The following SUGCT variants were observed in gnomAD, a reference collection of about 807,000 sequenced individuals.
SUGCT encodes the protein succinyl-CoA:glutarate CoA-transferase.
Under a neutral mutation model 55.0 loss-of-function variants are expected in SUGCT, and 41 were observed. The ratio of observed to expected loss-of-function variants is 0.74; its 90% confidence interval spans 0.58 to 0.97. SUGCT has a LOEUF of 0.97. Ranked by LOEUF, SUGCT falls within the 50% of genes least tolerant of loss-of-function variation. SUGCT has a pLI of 0.00. For synonymous variants in SUGCT, 187 were observed against 200.4 expected, an observed-to-expected ratio of 0.93 and a Z score of 0.56; for missense variants, 568 against 547.8, an observed-to-expected ratio of 1.04 and a Z score of -0.37.
the SUGCT span, among the ~76,000 whole-genome samples, chr7:40,892,293 A>G: frequency 6.6e-6 from 1 of 152,184 alleles, no homozygotes; most frequent in Admixed American, 6.5e-5. Context: ...ATTGGCTTTT[A>G]TAGCTATAAG....
chr7:40,851,539 A>G (rs1337171474), intron 13 of SUGCT, among the ~76,000 whole-genome samples: 2 of 152,198 alleles, frequency 1.3e-5, no homozygotes, highest in Admixed American at 6.5e-5. Context: ...TGATCAGTTC[A>G]GCCTCCCAGG....
intron 13 of SUGCT, among the ~76,000 whole-genome samples, chr7:40,780,542 C>G (rs1399349840): frequency 6.6e-6 from 1 of 152,186 alleles, no homozygotes; most frequent in Non-Finnish European, 1.5e-5. Flanking sequence ...GCTAGGGCCA[C>G]ATAACCCAGT....
intron 12 of SUGCT, among the ~76,000 whole-genome samples, chr7:40,737,060 G>A (rs959492165): frequency 3.3e-5 from 5 of 152,108 alleles, no homozygotes; most frequent in African/African-American, 1.2e-4. Context: ...GGTAACTGTG[G>A]TTCTCAAACT....
chr7:40,821,385 G>C (rs144928306), intron 13 of SUGCT, among the ~76,000 whole-genome samples: 1 of 152,036 alleles, frequency 6.6e-6, no homozygotes, highest in Non-Finnish European at 1.5e-5. Flanking sequence ...CTGTGAATCC[G>C]TCTGGTCCTG....
At chr7:40,562,589 G>A (rs1340477082) in intron 12 of SUGCT, among the ~76,000 whole-genome samples, 1 of 152,124 alleles carries the variant, frequency 6.6e-6, no homozygotes, top group Non-Finnish European at 1.5e-5. Context: ...TGATCAGTGT[G>A]GGAAAGGTGG....
intron 13 of SUGCT, among the ~76,000 whole-genome samples, chr7:40,807,923 T>C (rs1213761196): frequency 6.6e-6 from 1 of 152,154 alleles, no homozygotes; most frequent in Non-Finnish European, 1.5e-5. Context: ...AGTCTAGCCT[T>C]TTTATGTTCT....
intron 8 of SUGCT, among the ~76,000 whole-genome samples, chr7:40,299,971 T>G (rs1200748404): frequency 6.6e-6 from 1 of 152,200 alleles, no homozygotes; most frequent in African/African-American, 2.4e-5. Flanking sequence ...TGTCTAAAAC[T>G]GACTAAACCT....
chr7:40,877,351 T>G, the SUGCT span, among the ~76,000 whole-genome samples: 1 of 152,214 alleles, frequency 6.6e-6, no homozygotes, highest in Non-Finnish European at 1.5e-5. Context: ...TCCCCCAAAA[T>G]CATTAGTCAT....
intron 12 of SUGCT, among the ~76,000 whole-genome samples, chr7:40,551,746 A>G (rs998010261): frequency 6.6e-6 from 1 of 152,234 alleles, no homozygotes; most frequent in Non-Finnish European, 1.5e-5. Flanking sequence ...AAGTGTCACA[A>G]TACAGCCATG....
At chr7:40,698,268 C>G (rs377637635) in intron 12 of SUGCT, among the ~76,000 whole-genome samples, 1 of 152,190 alleles carries the variant, frequency 6.6e-6, no homozygotes, top group Admixed American at 6.5e-5. Flanking sequence ...AATCCAGGCT[C>G]TTAGAGGGGT....
Position 40,545,428 on chromosome 7 carries a change from T to C in SUGCT, c.1089+49042T>C, listed in dbSNP as rs562532781. Among the ~76,000 whole-genome samples, 43 of 152,342 alleles carry C rather than the reference T, an allele frequency of 2.8e-4. No individual in the cohort carries two copies. In the South Asian group the frequency reaches 6.2e-3, roughly 22 times the overall value. On this transcript the variant is annotated intron_variant, in intron 12 of 13. Coordinates refer to ENST00000335693, the MANE Select transcript of SUGCT (RefSeq NM_001193313.2). ...ATATAGTTCTGTTGGTCAAGGTCTC[T>C]GGCTGTTTCTCCTTTGTCTATTGCA...
chr7:40,267,093 A>G (rs151297606), intron 7 of SUGCT, among the ~76,000 whole-genome samples: 27 of 152,116 alleles, frequency 1.8e-4, no homozygotes, highest in African/African-American at 6.3e-4. Context: ...GAAAATAGAG[A>G]AATACATGAA....
intron 12 of SUGCT, among the ~76,000 whole-genome samples, chr7:40,683,894 A>T (rs1021214239): frequency 6.6e-6 from 1 of 152,242 alleles, no homozygotes; most frequent in Admixed American, 6.5e-5. Flanking sequence ...CAGAAGTCTC[A>T]CATAGGTCTC....
At chr7:40,245,883 G>A (rs1789840147) in intron 7 of SUGCT, among the ~76,000 whole-genome samples, 1 of 150,838 alleles carries the variant, frequency 6.6e-6, no homozygotes, top group Non-Finnish European at 1.5e-5. Context: ...TTGCTCTGTT[G>A]CCCAGGCTGG....
chr7:40,405,993 G>A (rs560174488), intron 9 of SUGCT, among the ~76,000 whole-genome samples: 9 of 152,200 alleles, frequency 5.9e-5, no homozygotes, highest in Admixed American at 3.9e-4. Flanking sequence ...AATACTCATA[G>A]AGCTAGCTAA....
intron 8 of SUGCT, among the ~76,000 whole-genome samples, chr7:40,309,476 G>A (rs1290501269): frequency 2.0e-5 from 3 of 152,080 alleles, no homozygotes; most frequent in African/African-American, 7.2e-5. Flanking sequence ...TGTATTTTTA[G>A]TAGAGATGGG....
chr7:40,187,077 C>T (rs1260880457), intron 3 of SUGCT, among the ~76,000 whole-genome samples: 3 of 152,110 alleles, frequency 2.0e-5, no homozygotes, highest in Admixed American at 6.6e-5. Context: ...AAATGTGGCA[C>T]ATATACACCA....
chr7:40,535,294 T>C (rs1794300895), intron 12 of SUGCT, among the ~76,000 whole-genome samples: 1 of 152,146 alleles, frequency 6.6e-6, no homozygotes, highest in African/African-American at 2.4e-5. Flanking sequence ...AGTTAGTTGG[T>C]CAACCCTTGT....
chr7:40,951,414 A>T, the SUGCT span, among the ~76,000 whole-genome samples: 1 of 152,006 alleles, frequency 6.6e-6, no homozygotes, highest in Admixed American at 6.6e-5. Flanking sequence ...CAGCTCCCAG[A>T]TTCATTGATT....
Sources: gnomAD v4.1 joint callset for allele counts (sites outside exome capture counted in the v4.1 genomes callset) on GRCh38, gnomAD v4.1.1 for gene constraint, MANE v1.5 for transcripts, NCBI Gene and HGNC (gene_info 2026-07-23, HGNC 2026-07-21) for gene names.